The following FBLN5 variants were observed in gnomAD, a reference collection of about 807,000 sequenced individuals.
FBLN5 encodes the protein fibulin-5.
A neutral mutation model predicts 61.6 loss-of-function variants in FBLN5; 24 were observed. That is an observed-to-expected ratio of 0.39 (90% confidence interval 0.28 to 0.55). FBLN5 has a LOEUF of 0.55. Ranked by LOEUF, FBLN5 falls within the 20% of genes least tolerant of loss-of-function variation. FBLN5 has a pLI of 0.65. For synonymous variants in FBLN5, 213 were observed against 219.8 expected (o/e 0.97, Z 0.27); for missense variants, 470 against 594.1 (o/e 0.79, Z 2.17).
At chr14:91,903,320 T>C (rs1195724013) in intron 4 of FBLN5, among the ~76,000 whole-genome samples, 1 of 152,148 alleles carries the variant, frequency 6.6e-6, no homozygotes, top group Non-Finnish European at 1.5e-5. Context: ...GGCCAGGGCA[T>C]TGTGTGCTTC....
At position 91,947,053 on chromosome 14, in the gene FBLN5, G is replaced by A. The variant is rs2056196026; in HGVS notation, c.17+160C>T. 1.4e-5 allele frequency: 21 copies of A among 1,537,654 alleles called. No individual in the cohort carries two copies. Among genetic ancestry groups the A allele is most frequent in the Non-Finnish European group, 1.8e-5 (20 of 1,138,810 alleles). On this transcript the variant is annotated intron_variant, in intron 1 of 10. Coordinates refer to ENST00000342058, the MANE Select transcript of FBLN5 (RefSeq NM_006329.4). This position sits in a 1 kb window ranked among gnomAD's most constrained non-coding sequence, Gnocchi z 4.3. ...GCTTCAAGATGGAAATTACAGAGGC[G>A]CAGCTTTTTATAATTAACAATATCA... is the stretch of plus-strand genomic sequence containing the variant.
At chr14:91,912,547 A>C (rs1890994303) in intron 4 of FBLN5, among the ~76,000 whole-genome samples, 1 of 152,166 alleles carries the variant, frequency 6.6e-6, no homozygotes, top group South Asian at 2.1e-4. Context: ...TGGGAGGCTG[A>C]GGCAGGAGAA....
rs2056192919 is a variant in FBLN5 at position 91,946,840 on chromosome 14, C to A, written c.17+373G>T. 5 of 1,522,602 alleles carry A rather than the reference C, an allele frequency of 3.3e-6. No individual in the cohort carries two copies. The East Asian group carries it at 1.2e-4, about 37-fold the overall frequency. 94.3% of individuals were successfully genotyped at this position (1,522,602 alleles called of 1,614,324 possible). A position where few individuals can be genotyped will look rare whatever the true frequency, so the allele number is the denominator to read the frequency against. ...TCTGCTTGTCTATCAGCCGATGCGG[C>A]GCAGTAATTGCTAGTGAACTAGTAA... On this transcript the variant is annotated intron_variant, in intron 1 of 10. Transcript: ENST00000342058.
chr14:91,891,209 C>A lies in FBLN5; in HGVS notation c.619+12G>T. On this transcript the variant is annotated intron_variant, in intron 6 of 10. Transcript: ENST00000342058. ...CTCACATCATGTCCAAGTTATCATG[C>A]ACGTCACATACCTTGGCAAGACCTT... 1 of 1,443,100 alleles carries A rather than the reference C, an allele frequency of 6.9e-7. No homozygotes were observed. The highest frequency in any genetic ancestry group is 9.8e-7 in the Non-Finnish European group (1 of 1,023,740). The allele number at this position is 1,443,100 out of a possible 1,614,324, so 89.4% of individuals were successfully genotyped here. A position where few individuals can be genotyped will look rare whatever the true frequency, so the allele number is the denominator to read the frequency against.
chr14:91,899,477 T>C (rs1040137513), intron 4 of FBLN5, among the ~76,000 whole-genome samples: 2 of 152,226 alleles, frequency 1.3e-5, no homozygotes, highest in Non-Finnish European at 2.9e-5. Flanking sequence ...AGTCGTCATC[T>C]GCATCAAGCA....
intron 4 of FBLN5, 29 bp downstream of exon 4, chr14:91,936,918 G>A (rs778189906): frequency 1.4e-5 from 23 of 1,613,826 alleles, no homozygotes; most frequent in Admixed American, 1.2e-4. Context: ...AAAGCACAGC[G>A]GAGAGGAACA....
At chr14:91,936,496 T>C (rs1343041940) in intron 4 of FBLN5, among the ~76,000 whole-genome samples, 2 of 152,192 alleles carry the variant, frequency 1.3e-5, no homozygotes, top group African/African-American at 4.8e-5. Flanking sequence ...CTTCAAGGCT[T>C]CTTGTATTGC....
intron 4 of FBLN5, among the ~76,000 whole-genome samples, chr14:91,901,773 C>A (rs1193761935): frequency 1.3e-5 from 2 of 152,240 alleles, no homozygotes; most frequent in Non-Finnish European, 2.9e-5. Flanking sequence ...GTTTACAGCA[C>A]TTTCCCCAGC....
chr14:91,882,072 G>A lies in FBLN5; in HGVS notation c.863-654C>T, dbSNP rs745932857. Among the ~76,000 whole-genome samples, 4 of 152,006 alleles carry A rather than the reference G, an allele frequency of 2.6e-5. No individual in the cohort carries two copies. Among genetic ancestry groups the A allele is most frequent in the Admixed American group, 6.6e-5 (1 of 15,258 alleles). On this transcript the variant is annotated intron_variant, in intron 8 of 10. Coordinates refer to ENST00000342058, the MANE Select transcript of FBLN5 (RefSeq NM_006329.4). This position sits in a 1 kb window ranked among gnomAD's most constrained non-coding sequence, Gnocchi z 4.9. ...CTTGGGAGGCTGAGGCAGGAGAATT[G>A]CTTGAACCCGGGAGGCAGAGGCTGC... is the stretch of plus-strand genomic sequence containing the variant.
chr14:91,886,497 A>G (rs2139967349), intron 7 of FBLN5, among the ~76,000 whole-genome samples: 1 of 152,348 alleles, frequency 6.6e-6, no homozygotes, highest in South Asian at 2.1e-4. Flanking sequence ...GAAAATTATA[A>G]TAGAGTCCAT....
intron 4 of FBLN5, among the ~76,000 whole-genome samples, chr14:91,912,135 C>G: frequency 6.6e-6 from 1 of 152,200 alleles, no homozygotes. Context: ...GAGATTTGCT[C>G]TAAAATAAGG....
rs1303207793 is a variant in FBLN5 at position 91,877,571 on chromosome 14, T to C, written c.1101A>G (p.Gln367=). The change falls in exon 10 of 11, where the codon CAA becomes CAG. Residue 367 remains glutamine (Q), a synonymous_variant. Coordinates refer to ENST00000342058, the MANE Select transcript of FBLN5 (RefSeq NM_006329.4). ...CAGGGTAGCGGGTCGTGGCTTGCAT[T>C]TGGAAGATGTCAGCGGGAACGGAGC... The part of the protein sequence containing the change: ...SGRSVPADIF[Q]MQATTRYPGA... 1.2e-5 allele frequency: 19 copies of C among 1,614,010 alleles called. No homozygotes were observed. Among genetic ancestry groups the C allele is most frequent in the Non-Finnish European group, 1.4e-5 (16 of 1,179,994 alleles).
chr14:91,941,244 G>A (rs577988087), intron 2 of FBLN5, among the ~76,000 whole-genome samples: 2 of 152,186 alleles, frequency 1.3e-5, no homozygotes, highest in South Asian at 2.1e-4. Context: ...ACAGAGATGT[G>A]GTCAGTTTTC....
intron 2 of FBLN5, among the ~76,000 whole-genome samples, chr14:91,941,532 G>C (rs537358998): frequency 9.9e-5 from 15 of 152,146 alleles, no homozygotes; most frequent in Non-Finnish European, 1.6e-4. Context: ...TTGCAGAGAT[G>C]ATGTATATGG....
At chr14:91,928,102 G>A (rs1683259705) in intron 4 of FBLN5, among the ~76,000 whole-genome samples, 1 of 152,248 alleles carries the variant, frequency 6.6e-6, no homozygotes, top group African/African-American at 2.4e-5. Flanking sequence ...GAGGGTGGAA[G>A]GGACTTCCTC....
intron 4 of FBLN5, among the ~76,000 whole-genome samples, chr14:91,915,398 C>T (rs1021023489): frequency 5.9e-5 from 9 of 151,952 alleles, no homozygotes; most frequent in Non-Finnish European, 1.2e-4. Flanking sequence ...GAAATTATAT[C>T]GTAGCGGCCA....
At chr14:91,893,015 GA>G (rs3831760) in intron 5 of FBLN5, among the ~76,000 whole-genome samples, 44,776 of 151,992 alleles carry the variant, frequency 0.29, 8,068 homozygotes, top group East Asian at 0.45. Flanking sequence ...AGGAATGTCC[GA>G]GTTGCTGGCA....
At chr14:91,888,046 C>A (rs562508391) in intron 6 of FBLN5, among the ~76,000 whole-genome samples, 5 of 152,206 alleles carry the variant, frequency 3.3e-5, no homozygotes, top group African/African-American at 4.8e-5. Flanking sequence ...TGCCTGTAAT[C>A]CCAGCACTTT....
In FBLN5 at chr14:91,886,842, T is replaced by C. The variant is rs145730384; in HGVS notation, c.739+351A>G. ...CACTGCCCTCTGTAAGTACTTTCTG[T>C]GATATCCCCAAGACTTGAGTCGGTG... On this transcript the variant is annotated intron_variant, in intron 7 of 10. Transcript: ENST00000342058. Among the ~76,000 whole-genome samples the C allele has an allele frequency of 3.1e-3, 475 of 152,274 alleles. 2 individuals are homozygous for C. Among genetic ancestry groups the C allele is most frequent in the African/African-American group, 9.6e-3 (400 of 41,548 alleles).
Sources: gnomAD v4.1 joint callset for allele counts (sites outside exome capture counted in the v4.1 genomes callset) on GRCh38, gnomAD v4.1.1 for gene constraint, Gnocchi (gnomAD v3.1) non-coding constraint, MANE v1.5 for transcripts, NCBI Gene and HGNC (gene_info 2026-07-23, HGNC 2026-07-21) for gene names.